The following ST8SIA1 variants were observed in gnomAD, a reference collection of about 807,000 sequenced individuals.
The protein encoded by ST8SIA1 is ST8 alpha-N-acetyl-neuraminide alpha-2,8-sialyltransferase 1.
A neutral mutation model predicts 35.9 loss-of-function variants in ST8SIA1; 16 were observed. The observed-to-expected ratio is 0.45, with a 90% CI of 0.30 to 0.68. The LOEUF (loss-of-function observed/expected upper bound fraction) is 0.68. Among genes scored for constraint, ST8SIA1 ranks in the 30% least tolerant of loss-of-function variants. The pLI is 0.09. For synonymous variants in ST8SIA1, 170 were observed against 169.6 expected, an observed-to-expected ratio of 1.00 and a Z score of -0.02; for missense variants, 383 against 453.6, an observed-to-expected ratio of 0.84 and a Z score of 1.41.
intron 3 of ST8SIA1, among the ~76,000 whole-genome samples, chr12:22,252,395 T>C (rs1253684594): frequency 6.6e-6 from 1 of 152,238 alleles, no homozygotes; most frequent in Non-Finnish European, 1.5e-5. Flanking sequence ...CCAAAATGCA[T>C]ATTAAGCAAT....
chr12:22,254,659 C>A (rs372405210), intron 3 of ST8SIA1, among the ~76,000 whole-genome samples: 5 of 152,306 alleles, frequency 3.3e-5, no homozygotes, highest in Non-Finnish European at 4.4e-5. Flanking sequence ...AGTCTCTGTC[C>A]CTGGCTGAAT....
At chr12:22,211,268 T>A (rs1314516289) in intron 4 of ST8SIA1, among the ~76,000 whole-genome samples, 1 of 152,214 alleles carries the variant, frequency 6.6e-6, no homozygotes, top group African/African-American at 2.4e-5. Flanking sequence ...GGAAGCTTCA[T>A]TACATAGCCA....
At chr12:22,214,758 C>T (rs1228861763) in intron 4 of ST8SIA1, among the ~76,000 whole-genome samples, 1 of 152,094 alleles carries the variant, frequency 6.6e-6, no homozygotes, top group Non-Finnish European at 1.5e-5. Context: ...AATTAAATTA[C>T]AGAAATAATC....
In ST8SIA1 at chr12:22,285,690, G is replaced by A. The variant is rs540718857; in HGVS notation, c.381+1459C>T. 5.9e-5 allele frequency among the ~76,000 whole-genome samples: 9 copies of A among 152,064 alleles called. No individual in the cohort carries two copies. In the South Asian group the frequency reaches 6.3e-4, roughly 11 times the overall value. On this transcript the variant is annotated intron_variant, in intron 2 of 4. Coordinates refer to ENST00000396037, the MANE Select transcript of ST8SIA1 (RefSeq NM_003034.4). Reference sequence around the variant, plus strand: ...AGTTCGAGACCAGCCTGGCCAGCACGGTGAAACATGGTCTCTACTAAAAAT... The same window carrying A: ...AGTTCGAGACCAGCCTGGCCAGCACAGTGAAACATGGTCTCTACTAAAAAT...
intron 4 of ST8SIA1, among the ~76,000 whole-genome samples, chr12:22,231,545 A>ATTTC: frequency 1.3e-5 from 2 of 152,166 alleles, no homozygotes; most frequent in South Asian, 4.1e-4. Context: ...ACTTTGTGCT[A>ATTTC]ATGCAATAAG....
At chr12:22,289,249 T>G (rs377613477) in intron 1 of ST8SIA1, among the ~76,000 whole-genome samples, 1 of 152,160 alleles carries the variant, frequency 6.6e-6, no homozygotes, top group Non-Finnish European at 1.5e-5. Flanking sequence ...TTATATTTTT[T>G]AGTCCTCAGA....
chr12:22,302,370 A>G (rs547042805), intron 1 of ST8SIA1, among the ~76,000 whole-genome samples: 43 of 152,324 alleles, frequency 2.8e-4, no homozygotes, highest in Non-Finnish European at 4.9e-4. Flanking sequence ...CTATTTACAC[A>G]CATAAGCCAC....
intron 1 of ST8SIA1, among the ~76,000 whole-genome samples, chr12:22,320,715 G>A (rs377721952): frequency 1.3e-5 from 2 of 151,574 alleles, no homozygotes; most frequent in African/African-American, 4.9e-5. Context: ...TGGGCCTACA[G>A]TCCCAGGTAC....
intron 1 of ST8SIA1, among the ~76,000 whole-genome samples, chr12:22,306,002 G>A (rs956198717): frequency 3.3e-5 from 5 of 152,092 alleles, no homozygotes; most frequent in African/African-American, 1.2e-4. Flanking sequence ...TATAAACTAA[G>A]TTCCTCCGAA....
intron 1 of ST8SIA1, among the ~76,000 whole-genome samples, chr12:22,306,986 T>C (rs149328156): frequency 7.2e-4 from 110 of 152,324 alleles, no homozygotes; most frequent in Non-Finnish European, 1.1e-3. Context: ...GGGTTCTATT[T>C]GCACAGATTC....
chr12:22,203,549 C>T (rs1168979144), intron 4 of ST8SIA1, among the ~76,000 whole-genome samples: 1 of 152,144 alleles, frequency 6.6e-6, no homozygotes, highest in Non-Finnish European at 1.5e-5. Context: ...GATCCAGTAG[C>T]CTGCTTTCTT....
chr12:22,254,267 C>A (rs549009710), intron 3 of ST8SIA1, among the ~76,000 whole-genome samples: 1 of 152,046 alleles, frequency 6.6e-6, no homozygotes, highest in Non-Finnish European at 1.5e-5. Flanking sequence ...CCCGAGATAC[C>A]CTGAGCTCTG....
chr12:22,238,888 A>T (rs1270102495), intron 4 of ST8SIA1, among the ~76,000 whole-genome samples: 1 of 152,096 alleles, frequency 6.6e-6, no homozygotes, highest in African/African-American at 2.4e-5. Context: ...TATTCTTCAG[A>T]TTTTCTCTCA....
At chr12:22,221,716 A>G (rs1865302448) in intron 4 of ST8SIA1, among the ~76,000 whole-genome samples, 1 of 152,236 alleles carries the variant, frequency 6.6e-6, no homozygotes, top group African/African-American at 2.4e-5. Flanking sequence ...AAAACAGAAC[A>G]TCTATTTTCA....
At position 22,196,348 on chromosome 12, in the gene ST8SIA1, A is replaced by T. The variant is rs973870954; in HGVS notation, c.*5204T>A. 3 of 152,224 alleles carry T rather than the reference A, an allele frequency of 2.0e-5. No individual in the cohort carries two copies. The highest frequency in any genetic ancestry group is 7.2e-5 in the African/African-American group (3 of 41,458). The allele number at this position is 152,224 out of a possible 1,614,324, so 9.4% of individuals were successfully genotyped here. On this transcript the variant is annotated 3_prime_UTR_variant, in exon 5 of 5. Transcript: ENST00000396037. The stretch of plus-strand genomic sequence containing the variant: ...AGCAGGGGCTGTGTTATGTTTCAAT[A>T]AGCTTTTCATTCATGCACTTGTTTC...
In ST8SIA1 at chr12:22,194,020, AT is replaced by A. The variant is rs1214059119; in HGVS notation, c.*7531del. ...TTCCCCAGTGCTTTTTAGACTGACT[AT>A]GCTGCACGGTAACTGGAATTTTAGT... On this transcript the variant is annotated 3_prime_UTR_variant, in exon 5 of 5. Transcript: ENST00000396037. 1 of 152,182 alleles carries A rather than the reference AT, an allele frequency of 6.6e-6. No individual in the cohort carries two copies. The highest frequency in any genetic ancestry group is 1.5e-5 in the Non-Finnish European group (1 of 68,030). 9.4% of individuals were successfully genotyped at this position (152,182 alleles called of 1,614,324 possible). A position where few individuals can be genotyped will look rare whatever the true frequency, so the allele number is the denominator to read the frequency against.
Position 22,201,332 on chromosome 12 carries a change from AT to A in ST8SIA1, c.*219del, listed in dbSNP as rs1402503818. 1.8e-4 allele frequency: 90 copies of A among 507,158 alleles called. No homozygotes were observed. Among genetic ancestry groups the A allele is most frequent in the Non-Finnish European group, 2.5e-4 (76 of 304,100 alleles). The allele number at this position is 507,158 out of a possible 1,614,324, so 31.4% of individuals were successfully genotyped here. On this transcript the variant is annotated 3_prime_UTR_variant, in exon 5 of 5. Transcript: ENST00000396037. ...TTCACCAGCATTTTACTAGTTGCAA[AT>A]CTGCCATGTGCTATAAAGTATTTCA...
chr12:22,321,536 G>A lies in ST8SIA1; in HGVS notation c.236+12461C>T, dbSNP rs118085589. On this transcript the variant is annotated intron_variant, in intron 1 of 4. Transcript: ENST00000396037. ...CCTAGAGGTTCTAGAGCCTGAGCAG[G>A]CGGAGGTGGTAGACGCCAGAATTTT... 1.7e-3 allele frequency among the ~76,000 whole-genome samples: 258 copies of A among 152,318 alleles called. 2 individuals are homozygous for A. In the East Asian group the frequency reaches 0.042, roughly 25 times the overall value.
chr12:22,240,295 C>T (rs867602343), intron 4 of ST8SIA1, among the ~76,000 whole-genome samples: 2 of 152,074 alleles, frequency 1.3e-5, no homozygotes, highest in South Asian at 2.1e-4. Flanking sequence ...AAAACAAATC[C>T]GTTCTAATCA....
Sources: allele counts gnomAD v4.1 joint callset (sites outside exome capture counted in the v4.1 genomes callset), GRCh38; gene constraint gnomAD v4.1.1; transcripts MANE v1.5; gene names NCBI Gene and HGNC (gene_info 2026-07-23, HGNC 2026-07-21).